NLRX1: variants seen among roughly 807,000 people sequenced by gnomAD.
NLRX1 encodes the protein NLR family member X1, also known as NOD-like receptor X1.
NLRX1 carries 67 observed loss-of-function variants against 74.2 expected under a neutral mutation model. That is an observed-to-expected ratio of 0.90 (90% CI 0.74 to 1.11). The LOEUF is 1.11. NLRX1 is among the 50% of genes least tolerant of loss of function. NLRX1 has a pLI of 0.00. For synonymous variants in NLRX1, 506 were observed against 559.1 expected (o/e 0.91, Z 1.34); for missense variants, 1,191 against 1,305.4 (o/e 0.91, Z 1.35).
chr11:119,171,177 T>C (rs928027855), intron 1 of NLRX1, among the ~76,000 whole-genome samples, 179 bp from the exon 2 acceptor site: 1 of 152,142 alleles, frequency 6.6e-6, no homozygotes, highest in Non-Finnish European at 1.5e-5. Context: ...ATGGGATTCC[T>C]CAAGCTGGAG....
intron 6 of NLRX1, among the ~76,000 whole-genome samples, chr11:119,179,016 C>T (rs1047965529): frequency 5.3e-5 from 8 of 152,062 alleles, no homozygotes; most frequent in Non-Finnish European, 8.8e-5. Flanking sequence ...AAAACCTTGG[C>T]ACTGTTAAGA....
At chr11:119,172,257 C>T (rs1003056725) in intron 2 of NLRX1, 99 bp from the exon 3 acceptor site, 9 of 891,288 alleles carry the variant, frequency 1.0e-5, no homozygotes, top group Non-Finnish European at 1.5e-5. Context: ...AGGGGCAGTA[C>T]ATGCTGCTAT....
intron 9 of NLRX1, 82 bp downstream of exon 9, chr11:119,182,427 G>A: frequency 6.5e-7 from 1 of 1,537,612 alleles, no homozygotes; most frequent in Non-Finnish European, 8.8e-7. Flanking sequence ...ATCCTAGGGA[G>A]TGCTTCTGGG....
rs768308577 is a variant in NLRX1 at position 119,175,135 on chromosome 11, G to A, written c.1532G>A (p.Arg511His). The part of the protein sequence containing the change: ...LAALYIVLGL[R>H]KTTLQKVGKE... ...GCCCTCTACATTGTGCTGGGTTTGCGCAAGACGACCCTGCAAAAGGTGGGC... is the reference window on the plus strand; with the variant it reads ...GCCCTCTACATTGTGCTGGGTTTGCACAAGACGACCCTGCAAAAGGTGGGC... Residue 511 changes from arginine (R) to histidine (H), a missense_variant, in exon 6 of 10, where the codon CGC becomes CAC. Coordinates refer to ENST00000409109, the MANE Select transcript of NLRX1 (RefSeq NM_001282144.2). 1.7e-5 allele frequency: 27 copies of A among 1,614,050 alleles called. No individual in the cohort carries two copies. Among genetic ancestry groups the A allele is most frequent in the Middle Eastern group, 3.3e-4 (2 of 6,084 alleles).
rs779800105 is a variant in NLRX1, at chr11:119,173,703, C to T, written c.454C>T (p.Pro152Ser). Residue 152 changes from proline to serine, a missense_variant, in exon 5 of 10, where the codon CCG (proline) becomes TCG (serine). Physicochemically the swap from Pro to Ser is moderately conservative, Grantham distance 74 (BLOSUM62 -1). Coordinates refer to ENST00000409109, the MANE Select transcript of NLRX1 (RefSeq NM_001282144.2). This position sits in a 1 kb window ranked among gnomAD's most constrained non-coding sequence, Gnocchi z 4.0. ...ACTGGCCTTGTCTCAGCTCTTTAAC[C>T]CGGATGCCTGTGGGCGCCGGGTGCA... ...PPLALSQLFN[P>S]DACGRRVQTV... The T allele has an allele frequency of 3.1e-6, 5 of 1,614,050 alleles. No individual in the cohort carries two copies. Among genetic ancestry groups the T allele is most frequent in the Middle Eastern group, 1.6e-4 (1 of 6,062 alleles).
rs35500631 is a variant in NLRX1 at position 119,182,266 on chromosome 11, G to A, written c.2527G>A (p.Ala843Thr). 1 of 1,613,738 alleles carries A rather than the reference G, an allele frequency of 6.2e-7. No individual in the cohort carries two copies. ...CCGGCAGCTGCAGGAGCTGAACGTG[G>A]CGTACAACGGTGCTGGTGACACAGC... ...RNRQLQELNV[A>T]YNGAGDTAAL... The change falls in exon 9 of 10, where the codon GCG becomes ACG. Residue 843 changes from alanine (A) to threonine (T), a missense_variant. By Grantham distance (58) the Ala-to-Thr change is moderately conservative (BLOSUM62 0). Coordinates refer to ENST00000409109, the MANE Select transcript of NLRX1 (RefSeq NM_001282144.2).
In NLRX1 at chr11:119,180,250, C is replaced by G. The variant is rs562700361; in HGVS notation, c.2229C>G (p.Arg743=). ...GCCAGCTAGATCCTGCTGGGCTGCG[C>G]ACACTCCTGCCTGTCTTCCTGCGTG... ...ASCQLDPAGL[R]TLLPVFLRAR... Residue 743 remains arginine, a synonymous_variant, in exon 7 of 10, where the codon CGC becomes CGG. Transcript: ENST00000409109. 3.6e-5 allele frequency: 57 copies of G among 1,601,208 alleles called. No individual in the cohort carries two copies. In the African/African-American group the frequency reaches 4.4e-4, roughly 12 times the overall value.
Position 119,182,093 on chromosome 11 carries a change from G to T in NLRX1, c.2355-1G>T. ...TAACCTTGGGTTGCACGTGGCTGTA[G>T]GCTGTCCAACAACCCGCTGACGGCG... On this transcript the variant is annotated splice_acceptor_variant, in intron 8 of 9. Transcript: ENST00000409109. LOFTEE classifies it high-confidence loss of function. 1 of 1,614,022 alleles carries T rather than the reference G, an allele frequency of 6.2e-7. No individual in the cohort carries two copies. Among genetic ancestry groups the T allele is most frequent in the Non-Finnish European group, 8.5e-7 (1 of 1,179,954 alleles).
intron 2 of NLRX1, 81 bp from the exon 3 acceptor site, chr11:119,172,275 A>G: frequency 9.1e-7 from 1 of 1,093,194 alleles, no homozygotes; most frequent in Non-Finnish European, 1.4e-6. Flanking sequence ...TATGAGAGCA[A>G]ATACTGGGGG....
chr11:119,172,694 G>A (rs919036529), intron 3 of NLRX1, among the ~76,000 whole-genome samples: 4 of 152,202 alleles, frequency 2.6e-5, no homozygotes, highest in Non-Finnish European at 5.9e-5. Context: ...CGGGCAGTCA[G>A]CAGTGGGGTC....
rs1948599433 is a variant in NLRX1, at chr11:119,173,217, A to G, written c.229+228A>G. 1 of 615,620 alleles carries G rather than the reference A, an allele frequency of 1.6e-6. No individual in the cohort carries two copies. 38.1% of individuals were successfully genotyped at this position (615,620 alleles called of 1,614,324 possible). ...GGAGAGCCATACCATCCCTATGCTC[A>G]ACAAAGTTGGGTCAAGCAGGTTAAG... On this transcript the variant is annotated intron_variant, in intron 4 of 9. Coordinates refer to ENST00000409109, the MANE Select transcript of NLRX1 (RefSeq NM_001282144.2). The surrounding 1 kb of genome is among the most constrained non-coding windows in gnomAD (Gnocchi z 4.0).
In NLRX1 at chr11:119,183,063, G is replaced by C; in HGVS notation, c.2607-55G>C. The C allele has an allele frequency of 6.6e-7, 1 of 1,511,282 alleles. No individual in the cohort carries two copies. The highest frequency in any genetic ancestry group is 9.0e-7 in the Non-Finnish European group (1 of 1,110,554). The allele number at this position is 1,511,282 out of a possible 1,614,324, so 93.6% of individuals were successfully genotyped here. A position where few individuals can be genotyped will look rare whatever the true frequency, so the allele number is the denominator to read the frequency against. ...CCTGACTTTCCATCCATCTACCCTC[G>C]GGCCCTCCTTCTCAGAGCTCTACTG... On this transcript the variant is annotated intron_variant, in intron 9 of 9. Transcript: ENST00000409109. The surrounding 1 kb of genome is among the most constrained non-coding windows in gnomAD (Gnocchi z 5.7).
At chr11:119,171,001 A>C (rs369530521) in intron 1 of NLRX1, among the ~76,000 whole-genome samples, 104 of 152,186 alleles carry the variant, frequency 6.8e-4, no homozygotes, top group African/African-American at 2.4e-3. Context: ...AAATTAGCCC[A>C]GTGTGGTGGT....
Position 119,179,886 on chromosome 11 carries a change from T to C in NLRX1, c.1865T>C (p.Leu622Pro). 1 of 1,612,958 alleles carries C rather than the reference T, an allele frequency of 6.2e-7. No homozygotes were observed. Among genetic ancestry groups the C allele is most frequent in the Non-Finnish European group, 8.5e-7 (1 of 1,179,330 alleles). The stretch of plus-strand genomic sequence containing the variant: ...CCCCCTGAGGATGAAGTCTTCGAGC[T>C]CTTCCCCATGTTCATGGGGGGGCTT... ...DEPPEDEVFELFPMFMGGLLS... is the reference protein window; with the variant it reads ...DEPPEDEVFEPFPMFMGGLLS... Residue 622 changes from leucine (L) to proline (P), a missense_variant, in exon 7 of 10, where the codon CTC becomes CCC. Leu to Pro is a moderately conservative substitution (Grantham distance 98). Coordinates refer to ENST00000409109, the MANE Select transcript of NLRX1 (RefSeq NM_001282144.2).
intron 6 of NLRX1, 25 bp downstream of exon 6, chr11:119,175,299 C>A: frequency 6.3e-7 from 1 of 1,591,050 alleles, no homozygotes; most frequent in Non-Finnish European, 8.6e-7. Context: ...AAGGTAACCC[C>A]CCAACCTGCT....
chr11:119,181,771 G>A (rs1483627659), intron 8 of NLRX1, among the ~76,000 whole-genome samples: 1 of 152,102 alleles, frequency 6.6e-6, no homozygotes, highest in Non-Finnish European at 1.5e-5. Flanking sequence ...GCTGTGGAGG[G>A]GGTGAAAAAG....
At position 119,175,060 on chromosome 11, in the gene NLRX1, G is replaced by A. The variant is rs535927542; in HGVS notation, c.1457G>A (p.Arg486His). Residue 486 changes from arginine to histidine, a missense_variant, in exon 6 of 10, where the codon CGT becomes CAT. Coordinates refer to ENST00000409109, the MANE Select transcript of NLRX1 (RefSeq NM_001282144.2). ...FFLAPCVEPG[R>H]AGTFVFTVPA... ...CTGGCCCCATGTGTGGAGCCAGGGC[G>A]TGCAGGCACCTTCGTGTTCACCGTG... The A allele has an allele frequency of 4.6e-5, 74 of 1,614,144 alleles. No homozygotes were observed. Among genetic ancestry groups the A allele is most frequent in the Middle Eastern group, 3.3e-4 (2 of 6,062 alleles).
At position 119,182,118 on chromosome 11, in the gene NLRX1, G is replaced by T. The variant is rs148906584; in HGVS notation, c.2379G>T (p.Ala793=). Residue 793 remains alanine (A), a synonymous_variant, in exon 9 of 10, where the codon GCG becomes GCT. Coordinates refer to ENST00000409109, the MANE Select transcript of NLRX1 (RefSeq NM_001282144.2). ...TLRLSNNPLT[A]AGVAVLMEGL... The stretch of plus-strand genomic sequence containing the variant: ...GGCTGTCCAACAACCCGCTGACGGC[G>T]GCAGGTGTTGCCGTGCTAATGGAGG... 6.2e-7 allele frequency: 1 copy of T among 1,614,010 alleles called. No homozygotes were observed. Among genetic ancestry groups the T allele is most frequent in the Non-Finnish European group, 8.5e-7 (1 of 1,180,006 alleles).
chr11:119,173,102 C>A lies in NLRX1; in HGVS notation c.229+113C>A. ...TCCACTGCCATCTTCCATCGGTGGTCCCTCCTCCTCTCTCTCTCTCCCTCC... is the reference window on the plus strand; with the variant it reads ...TCCACTGCCATCTTCCATCGGTGGTACCTCCTCCTCTCTCTCTCTCCCTCC... On this transcript the variant is annotated intron_variant, in intron 4 of 9. Coordinates refer to ENST00000409109, the MANE Select transcript of NLRX1 (RefSeq NM_001282144.2). This position sits in a 1 kb window ranked among gnomAD's most constrained non-coding sequence, Gnocchi z 4.0. 1.3e-6 allele frequency: 1 copy of A among 787,480 alleles called. No individual in the cohort carries two copies. The highest frequency in any genetic ancestry group is 1.5e-5 in the South Asian group (1 of 68,212). The allele number at this position is 787,480 out of a possible 1,614,324, so 48.8% of individuals were successfully genotyped here.
Sources: allele counts gnomAD v4.1 joint callset (sites outside exome capture counted in the v4.1 genomes callset), GRCh38; gene constraint gnomAD v4.1.1; non-coding constraint Gnocchi (gnomAD v3.1); transcripts MANE v1.5; gene names NCBI Gene and HGNC (gene_info 2026-07-23, HGNC 2026-07-21).